The following TRPM2 variants were observed in gnomAD, a reference collection of about 807,000 sequenced individuals.
The protein encoded by TRPM2 is estrogen-responsive element-associated gene 1 protein.
TRPM2 carries 161 observed loss-of-function variants against 174.0 expected under a neutral mutation model. That is an observed-to-expected ratio of 0.93 (90% CI 0.81 to 1.05). The LOEUF (loss-of-function observed/expected upper bound fraction) is 1.05, where lower values mean the gene tolerates loss of function less well. Among genes scored for constraint, TRPM2 ranks in the 50% least tolerant of loss-of-function variants. TRPM2 has a pLI of 0.00. For synonymous variants in TRPM2, 954 were observed against 861.3 expected, an observed-to-expected ratio of 1.11 and a Z score of -1.88; for missense variants, 2,057 against 2,038.0, an observed-to-expected ratio of 1.01 and a Z score of -0.18.
intron 8 of TRPM2, among the ~76,000 whole-genome samples, chr21:44,380,350 G>A (rs1473850433): frequency 1.3e-5 from 2 of 152,218 alleles, no homozygotes; most frequent in African/African-American, 2.4e-5. Flanking sequence ...GTGAGCGGCC[G>A]CTCAGCTCCC....
chr21:44,391,226 G>A lies in TRPM2; in HGVS notation c.1441-46G>A. 6.4e-7 allele frequency: 1 copy of A among 1,570,876 alleles called. No homozygotes were observed. The highest frequency in any genetic ancestry group is 8.7e-7 in the Non-Finnish European group (1 of 1,151,198). On this transcript the variant is annotated intron_variant, in intron 10 of 31. Transcript: ENST00000397928. This position sits in a 1 kb window ranked among gnomAD's most constrained non-coding sequence, Gnocchi z 5.0. ...GGGTCTTTGAGATCAGGATGACATG[G>A]GGTGATGACCAAATGCAACCGTCAC...
intron 11 of TRPM2, among the ~76,000 whole-genome samples, chr21:44,394,898 G>C (rs1305821664): frequency 6.6e-6 from 1 of 152,160 alleles, no homozygotes; most frequent in African/African-American, 2.4e-5. Context: ...CGTGTTTCCT[G>C]GTCCGGGGAA....
rs988335489 is a variant in TRPM2, at chr21:44,438,688, C to T, written c.4168-379C>T. ...GAGACGGGAATGCAAACAGGGAACC[C>T]GCCGTGGCAGCCTGCTGCACTGGGC... On this transcript the variant is annotated intron_variant, in intron 29 of 31. Transcript: ENST00000397928. This position sits in a 1 kb window ranked among gnomAD's most constrained non-coding sequence, Gnocchi z 5.9. 6.6e-6 allele frequency among the ~76,000 whole-genome samples: 1 copy of T among 152,090 alleles called. No individual in the cohort carries two copies. The highest frequency in any genetic ancestry group is 1.5e-5 in the Non-Finnish European group (1 of 68,006).
chr21:44,404,987 T>A (rs569155387), intron 16 of TRPM2, among the ~76,000 whole-genome samples, 155 bp from the exon 17 acceptor site: 1 of 147,768 alleles, frequency 6.8e-6, no homozygotes, highest in East Asian at 2.0e-4. Flanking sequence ...GATATGACAG[T>A]GATGGTGACA....
Position 44,438,895 on chromosome 21 carries a change from G to A in TRPM2, c.4168-172G>A. The A allele has an allele frequency of 1.8e-6, 1 of 561,192 alleles. No individual in the cohort carries two copies. The allele number at this position is 561,192 out of a possible 1,614,324, so 34.8% of individuals were successfully genotyped here. On this transcript the variant is annotated intron_variant, in intron 29 of 31. Transcript: ENST00000397928. The surrounding 1 kb of genome is among the most constrained non-coding windows in gnomAD (Gnocchi z 5.9). ...CGGCAGGCCTCACAGATGCTGACGT[G>A]GACGGCGGGTTCTGGGCAATGTCAC...
At chr21:44,386,505 A>C (rs2049020230) in intron 9 of TRPM2, among the ~76,000 whole-genome samples, 1 of 152,220 alleles carries the variant, frequency 6.6e-6, no homozygotes, top group Non-Finnish European at 1.5e-5. Context: ...AGCATCAAAA[A>C]GAAAAAAAAT....
intron 25 of TRPM2, 28 bp downstream of exon 25, chr21:44,425,855 C>A: frequency 6.6e-7 from 1 of 1,523,554 alleles, no homozygotes; most frequent in South Asian, 1.2e-5. Flanking sequence ...CCCAACCAGG[C>A]GGAGTGGCCG....
intron 2 of TRPM2, among the ~76,000 whole-genome samples, chr21:44,363,326 C>T (rs2048270616): frequency 6.6e-6 from 1 of 152,104 alleles, no homozygotes; most frequent in Non-Finnish European, 1.5e-5. Context: ...CTGCAGGTCC[C>T]AGAGGTTTTG....
rs112432805 is a variant in TRPM2 at position 44,405,616 on chromosome 21, T to C, written c.2658-289T>C. ...ACTGCCTGTGATGCTCTCGTGTCTC[T>C]GCGAGGCCGCGGCCCCCTTTCTCGG... On this transcript the variant is annotated intron_variant, in intron 17 of 31. Coordinates refer to ENST00000397928, the MANE Select transcript of TRPM2 (RefSeq NM_003307.4). Among the ~76,000 whole-genome samples, 1,136 of 152,116 alleles carry C rather than the reference T, an allele frequency of 7.5e-3. 17 individuals carry two copies. Among genetic ancestry groups the C allele is most frequent in the African/African-American group, 0.025 (1,032 of 41,512 alleles).
intron 9 of TRPM2, among the ~76,000 whole-genome samples, chr21:44,384,607 ACCT>A (rs2048970331): frequency 6.6e-6 from 1 of 152,294 alleles, no homozygotes; most frequent in South Asian, 2.1e-4. Flanking sequence ...GTAATGGATC[ACCT>A]CTATTAGGCC....
In TRPM2 at chr21:44,366,918, G is replaced by A; in HGVS notation, c.588G>A (p.Lys196=). The A allele has an allele frequency of 6.3e-7, 1 of 1,598,258 alleles. No homozygotes were observed. Among genetic ancestry groups the A allele is most frequent in the South Asian group, 1.1e-5 (1 of 89,088 alleles). The change falls in exon 4 of 32, where the codon AAG becomes AAA. Residue 196 remains lysine (K), a synonymous_variant. Transcript: ENST00000397928. The surrounding 1 kb of genome is among the most constrained non-coding windows in gnomAD (Gnocchi z 6.0). ...GCATTTTCCGCAGAGGCCTGGTCAA[G>A]GTGGCTCAGACCACAGGTAACTCGG... The part of the protein sequence containing the change: ...LKSIFRRGLV[K]VAQTTGAWII...
chr21:44,408,689 G>A (rs752148897), intron 19 of TRPM2, among the ~76,000 whole-genome samples: 5 of 124,980 alleles, frequency 4.0e-5, no homozygotes, highest in Middle Eastern at 5.0e-3. Flanking sequence ...ACAGGGTCTC[G>A]CTCTGTCACC....
chr21:44,429,272 C>CTTTT (rs1601245878), intron 27 of TRPM2, among the ~76,000 whole-genome samples: 11 of 62,326 alleles, frequency 1.8e-4, no homozygotes, highest in African/African-American at 5.1e-4. Flanking sequence ...ACATTTTTTT[C>CTTTT]TTTTTCTTTT....
At chr21:44,435,959 T>G (rs1488560309) in intron 28 of TRPM2, among the ~76,000 whole-genome samples, 1 of 93,376 alleles carries the variant, frequency 1.1e-5, no homozygotes, top group African/African-American at 4.5e-5. Context: ...CCCCTCAGAC[T>G]CACTCTCTAC....
In TRPM2 at chr21:44,364,144, T is replaced by A; in HGVS notation, c.285T>A (p.His95Gln). 1 of 1,614,094 alleles carries A rather than the reference T, an allele frequency of 6.2e-7. No homozygotes were observed. The highest frequency in any genetic ancestry group is 8.5e-7 in the Non-Finnish European group (1 of 1,179,990). The change falls in exon 3 of 32, where the codon CAT (histidine) becomes CAA (glutamine). Residue 95 changes from histidine (H) to glutamine (Q), a missense_variant. Coordinates refer to ENST00000397928, the MANE Select transcript of TRPM2 (RefSeq NM_003307.4). The stretch of plus-strand genomic sequence containing the variant: ...TGGTGTGTCAGTGTGGCTACACGCA[T>A]GAGCAGCACTTGGAGGAGGCTACCA... ...GKVVCQCGYT[H>Q]EQHLEEATKP...
In TRPM2 at chr21:44,436,010, A is replaced by G. The variant is rs1601260385; in HGVS notation, c.4061+793A>G. On this transcript the variant is annotated intron_variant, in intron 28 of 31. Coordinates refer to ENST00000397928, the MANE Select transcript of TRPM2 (RefSeq NM_003307.4). Reference sequence around the variant, plus strand: ...CACAGCCCCACACTCACCCCCTCAGACCCTCTCCATACTCATCCAGAGGGA... The same window carrying G: ...CACAGCCCCACACTCACCCCCTCAGGCCCTCTCCATACTCATCCAGAGGGA... Among the ~76,000 whole-genome samples, 3 of 126,824 alleles carry G rather than the reference A, an allele frequency of 2.4e-5. No individual in the cohort carries two copies. The East Asian group carries it at 7.1e-4, about 30-fold the overall frequency. The allele number at this position is 126,824 out of a possible 152,430, so 83.2% of individuals were successfully genotyped here.
intron 5 of TRPM2, among the ~76,000 whole-genome samples, chr21:44,369,865 AC>A: frequency 3.1e-5 from 1 of 31,858 alleles, no homozygotes; most frequent in Admixed American, 3.4e-4. Context: ...GGTGTGGGTG[AC>A]GTCTGACCGG....
At chr21:44,409,933 T>C (rs75947251) in intron 19 of TRPM2, among the ~76,000 whole-genome samples, 4 of 142,724 alleles carry the variant, frequency 2.8e-5, no homozygotes, top group South Asian at 2.4e-4. Context: ...GTTTTGATCG[T>C]GCTGTCTTGG....
intron 9 of TRPM2, among the ~76,000 whole-genome samples, chr21:44,383,085 A>T (rs569207053): frequency 6.6e-6 from 1 of 152,300 alleles, no homozygotes; most frequent in East Asian, 1.9e-4. Context: ...AATTTCTCAT[A>T]AAACTTCAGG....
Sources: allele counts gnomAD v4.1 joint callset (sites outside exome capture counted in the v4.1 genomes callset), GRCh38; gene constraint gnomAD v4.1.1; non-coding constraint Gnocchi (gnomAD v3.1); transcripts MANE v1.5; gene names NCBI Gene and HGNC (gene_info 2026-07-23, HGNC 2026-07-21).